The following CCSER1 variants were observed in gnomAD, a reference collection of about 807,000 sequenced individuals.
The protein encoded by CCSER1 is serine-rich coiled-coil domain-containing protein 1.
CCSER1 carries 41 observed loss-of-function variants against 82.0 expected under a neutral mutation model. The observed-to-expected ratio is 0.50, with a 90% CI of 0.39 to 0.65. CCSER1 has a LOEUF of 0.65. CCSER1 is among the 30% of genes least tolerant of loss of function. CCSER1 has a pLI of 0.00. For synonymous variants in CCSER1, 414 were observed against 383.9 expected (o/e 1.08, Z -0.92); for missense variants, 1,119 against 1,064.2 (o/e 1.05, Z -0.72).
intron 10 of CCSER1, among the ~76,000 whole-genome samples, chr4:91,368,196 A>T (rs1006881105): frequency 6.6e-6 from 1 of 152,056 alleles, no homozygotes; most frequent in African/African-American, 2.4e-5. Flanking sequence ...AACTTTTATG[A>T]TAACCATGTG....
At chr4:90,462,013 C>T (rs1376868569) in intron 4 of CCSER1, among the ~76,000 whole-genome samples, 1 of 152,130 alleles carries the variant, frequency 6.6e-6, no homozygotes, top group East Asian at 1.9e-4. Flanking sequence ...GTGCTATTTA[C>T]AGTCATGATG....
At chr4:90,931,759 C>A (rs1049642934) in intron 9 of CCSER1, among the ~76,000 whole-genome samples, 1 of 152,102 alleles carries the variant, frequency 6.6e-6, no homozygotes, top group Non-Finnish European at 1.5e-5. Flanking sequence ...ATAATATGTA[C>A]CAAGAGCATT....
At position 91,013,919 on chromosome 4, in the gene CCSER1, C is replaced by T. The variant is rs1581336637; in HGVS notation, c.2173-72031C>T. On this transcript the variant is annotated intron_variant, in intron 9 of 10. Coordinates refer to ENST00000509176, the MANE Select transcript of CCSER1 (RefSeq NM_001145065.2). Reference sequence around the variant, plus strand: ...TACAGATGTGAGCCACCGCTCCGGGCACACTTTTTTGTTTTTGTTTTTGTT... The same window carrying T: ...TACAGATGTGAGCCACCGCTCCGGGTACACTTTTTTGTTTTTGTTTTTGTT... Among the ~76,000 whole-genome samples, 2 of 131,922 alleles carry T rather than the reference C, an allele frequency of 1.5e-5. 1 individual carries two copies. The highest frequency in any genetic ancestry group is 4.9e-4 in the South Asian group (2 of 4,102). The allele number at this position is 131,922 out of a possible 152,430, so 86.5% of individuals were successfully genotyped here.
chr4:90,471,987 A>T (rs1764471326), intron 5 of CCSER1, among the ~76,000 whole-genome samples: 1 of 152,154 alleles, frequency 6.6e-6, no homozygotes, highest in Non-Finnish European at 1.5e-5. Context: ...CAAAAAAAAA[A>T]ATAGTAGACA....
intron 7 of CCSER1, among the ~76,000 whole-genome samples, chr4:90,783,815 A>G (rs1754123694): frequency 6.6e-6 from 1 of 152,192 alleles, no homozygotes; most frequent in Non-Finnish European, 1.5e-5. Context: ...ACTAAGAAAG[A>G]CACAGCCCAG....
intron 5 of CCSER1, among the ~76,000 whole-genome samples, chr4:90,511,246 C>T (rs559800483): frequency 1.2e-4 from 19 of 152,084 alleles, no homozygotes; most frequent in African/African-American, 4.3e-4. Flanking sequence ...GGTGAAACCC[C>T]GTCTCTACTA....
intron 10 of CCSER1, among the ~76,000 whole-genome samples, chr4:91,500,013 T>C (rs1214113963): frequency 1.3e-5 from 2 of 152,200 alleles, no homozygotes; most frequent in Non-Finnish European, 2.9e-5. Context: ...CTAAACCTTA[T>C]CGTAAGAGTA....
In CCSER1 at chr4:91,601,538, T is replaced by C. The variant is rs538214557; in HGVS notation, c.*2481T>C. On this transcript the variant is annotated 3_prime_UTR_variant, in exon 11 of 11. Transcript: ENST00000509176. The stretch of plus-strand genomic sequence containing the variant: ...GTGTATATATAGTAACTTATAACAA[T>C]GGCATGTGGGCATTCTTTCAGTGAA... 9.2e-5 allele frequency: 14 copies of C among 152,150 alleles called. No individual in the cohort carries two copies. In the South Asian group the frequency reaches 2.9e-3, roughly 32 times the overall value. The allele number at this position is 152,150 out of a possible 1,614,324, so 9.4% of individuals were successfully genotyped here. A position where few individuals can be genotyped will look rare whatever the true frequency, so the allele number is the denominator to read the frequency against.
chr4:91,325,247 C>A (rs1298604595), intron 10 of CCSER1: 1 of 447,640 alleles, frequency 2.2e-6, no homozygotes. Flanking sequence ...TAAGCCTGTG[C>A]ACATGGGTCC....
At chr4:91,048,411 C>T (rs930220255) in intron 9 of CCSER1, among the ~76,000 whole-genome samples, 2 of 151,618 alleles carry the variant, frequency 1.3e-5, no homozygotes, top group Non-Finnish European at 2.9e-5. Flanking sequence ...TTTAAAAAAC[C>T]CTTCCAATTT....
intron 3 of CCSER1, among the ~76,000 whole-genome samples, chr4:90,373,760 G>A (rs1973146): frequency 0.37 from 55,462 of 151,834 alleles, 10,652 homozygotes; most frequent in African/African-American, 0.47. Flanking sequence ...GTTATGGACC[G>A]TCTTTTCAAG....
At chr4:91,254,598 T>C (rs189928135) in intron 10 of CCSER1, among the ~76,000 whole-genome samples, 249 of 152,222 alleles carry the variant, frequency 1.6e-3, no homozygotes, top group African/African-American at 5.8e-3. Context: ...TTTTACAAGA[T>C]TCATTATGGA....
At chr4:91,150,672 A>T (rs1327221944) in intron 10 of CCSER1, among the ~76,000 whole-genome samples, 1 of 152,106 alleles carries the variant, frequency 6.6e-6, no homozygotes, top group Non-Finnish European at 1.5e-5. Flanking sequence ...TACCTAATTT[A>T]TTGAGAGTTT....
At chr4:90,627,949 A>G (rs1723618384) in intron 5 of CCSER1, 76 bp from the exon 6 acceptor site, 2 of 1,090,940 alleles carry the variant, frequency 1.8e-6, no homozygotes, top group Non-Finnish European at 2.8e-6. Flanking sequence ...TACTAGAAAC[A>G]TTGATTAACA....
At chr4:90,592,952 G>T (rs1302791844) in intron 5 of CCSER1, among the ~76,000 whole-genome samples, 1 of 152,092 alleles carries the variant, frequency 6.6e-6, no homozygotes, top group Non-Finnish European at 1.5e-5. Context: ...AAGATCAGTA[G>T]CAGTCTATGA....
In CCSER1 at chr4:90,308,954, G is replaced by A. The variant is rs776976309; in HGVS notation, c.670G>A (p.Val224Ile). ...TQYQEREPVL[V>I]RASPSCSVDV... The stretch of plus-strand genomic sequence containing the variant: ...GTACCAAGAGAGAGAACCTGTATTA[G>A]TAAGAGCTTCGCCATCCTGTTCTGT... Residue 224 changes from valine (V) to isoleucine (I), a missense_variant, in exon 2 of 11, where the codon GTA becomes ATA. Physicochemically the swap from Val to Ile is conservative, Grantham distance 29 (BLOSUM62 3). Coordinates refer to ENST00000509176, the MANE Select transcript of CCSER1 (RefSeq NM_001145065.2). 15 of 1,613,814 alleles carry A rather than the reference G, an allele frequency of 9.3e-6. No homozygotes were observed. In the Admixed American group the frequency reaches 2.5e-4, roughly 27 times the overall value.
At chr4:91,540,268 G>C (rs111454824) in intron 10 of CCSER1, among the ~76,000 whole-genome samples, 1 of 151,958 alleles carries the variant, frequency 6.6e-6, no homozygotes. Flanking sequence ...ATTAGGGTTC[G>C]CACTTGGTCT....
At chr4:90,565,761 T>G (rs1387360874) in intron 5 of CCSER1, among the ~76,000 whole-genome samples, 1 of 152,230 alleles carries the variant, frequency 6.6e-6, no homozygotes, top group African/African-American at 2.4e-5. Flanking sequence ...CTTATTGAAA[T>G]GATTGTGTGG....
intron 9 of CCSER1, among the ~76,000 whole-genome samples, chr4:90,956,401 A>G (rs1053084714): frequency 2.0e-5 from 3 of 152,154 alleles, no homozygotes; most frequent in Non-Finnish European, 2.9e-5. Flanking sequence ...AAAATTAAAT[A>G]CTATATATGA....
Sources: gnomAD v4.1 joint callset for allele counts (sites outside exome capture counted in the v4.1 genomes callset) on GRCh38, gnomAD v4.1.1 for gene constraint, MANE v1.5 for transcripts, NCBI Gene and HGNC (gene_info 2026-07-23, HGNC 2026-07-21) for gene names.